ZDHHC7: variants seen among roughly 807,000 people sequenced by gnomAD.
ZDHHC7 encodes the protein zDHHC palmitoyltransferase 7, also known as palmitoyltransferase ZDHHC7.
In ZDHHC7, 12 loss-of-function variants were observed where a neutral mutation model predicts 34.1. The observed-to-expected ratio is 0.35, with a 90% CI of 0.23 to 0.57. The LOEUF is 0.57. Among genes scored for constraint, ZDHHC7 ranks in the 20% least tolerant of loss-of-function variants. ZDHHC7 has a pLI of 0.84. For missense variants in ZDHHC7, 388 were observed against 402.7 expected, an observed-to-expected ratio of 0.96 and a Z score of 0.31; for synonymous variants, 185 against 155.4, an observed-to-expected ratio of 1.19 and a Z score of -1.42.
chr16:84,988,937 T>A, intron 3 of ZDHHC7: 3 of 1,494,246 alleles, frequency 2.0e-6, no homozygotes, highest in Non-Finnish European at 2.7e-6. Context: ...GGCCCTCTCC[T>A]TTGTCGAAGT....
the ZDHHC7 span, among the ~76,000 whole-genome samples, chr16:85,017,328 C>A: frequency 6.6e-6 from 1 of 152,094 alleles, no homozygotes; most frequent in Non-Finnish European, 1.5e-5. Flanking sequence ...TATCCAGACA[C>A]CCACTAGAAT....
At chr16:85,012,909 AAAAAAG>A (rs1471939429), upstream of ZDHHC7, among the ~76,000 whole-genome samples, 1 of 152,122 alleles carries the variant, frequency 6.6e-6, no homozygotes, top group Non-Finnish European at 1.5e-5. Flanking sequence ...CATCTCAATG[AAAAAAG>A]AAAAAGAAAA....
At chr16:84,988,906 G>C (rs1428479055) in intron 3 of ZDHHC7, 3 of 1,545,678 alleles carry the variant, frequency 1.9e-6, no homozygotes, top group Non-Finnish European at 2.6e-6. Context: ...AAATCGCTGA[G>C]CTGGACCTGG....
chr16:84,987,448 GT>G (rs5818520), intron 3 of ZDHHC7, among the ~76,000 whole-genome samples: 21,326 of 145,152 alleles, frequency 0.15, 1,694 homozygotes, highest in Admixed American at 0.26. Flanking sequence ...TTTGGGGTTT[GT>G]TTTTTTTTTT....
chr16:84,992,046 T>G (rs1329778648), intron 2 of ZDHHC7, among the ~76,000 whole-genome samples: 58 of 150,696 alleles, frequency 3.8e-4, no homozygotes, highest in African/African-American at 1.4e-3. Flanking sequence ...CATGGTGGCG[T>G]GCGCCTGTAA....
chr16:84,992,340 GCCTGTA>G (rs58663309), intron 2 of ZDHHC7, among the ~76,000 whole-genome samples: 94,769 of 150,656 alleles, frequency 0.63, 32,001 homozygotes, highest in African/African-American at 0.88. Flanking sequence ...AGTGGCAGGC[GCCTGTA>G]CCTGTAATCC....
chr16:84,977,864 T>C, intron 6 of ZDHHC7, 60 bp downstream of exon 6: 1 of 1,342,116 alleles, frequency 7.5e-7, no homozygotes, highest in East Asian at 2.3e-5. Context: ...TTTAAAGCTT[T>C]CCCCTTTCAT....
At chr16:84,990,200 A>T (rs796295568) in intron 3 of ZDHHC7, 104 bp downstream of exon 3, 1 of 1,328,928 alleles carries the variant, frequency 7.5e-7, no homozygotes, top group African/African-American at 1.5e-5. Context: ...TTCCACACCC[A>T]TGTCAATATG....
chr16:84,998,742 T>C (rs1415422533), intron 1 of ZDHHC7, among the ~76,000 whole-genome samples: 1 of 147,086 alleles, frequency 6.8e-6, no homozygotes, highest in Non-Finnish European at 1.5e-5. Context: ...CTCAATCCCT[T>C]CTGAACCTTT....
At chr16:85,010,558 G>A (rs2072777238) in intron 1 of ZDHHC7, among the ~76,000 whole-genome samples, 1 of 152,228 alleles carries the variant, frequency 6.6e-6, no homozygotes, top group African/African-American at 2.4e-5. Context: ...GATTTGCCCA[G>A]CACTGTATAC....
At chr16:85,024,317 C>T in the ZDHHC7 span, among the ~76,000 whole-genome samples, 1 of 151,152 alleles carries the variant, frequency 6.6e-6, no homozygotes, top group Non-Finnish European at 1.5e-5. Flanking sequence ...CTGCAACCTC[C>T]GCCTCCCAGG....
Position 84,990,384 on chromosome 16 carries a change from A to G in ZDHHC7, c.235T>C (p.Ser79Pro), listed in dbSNP as rs890030935. ...TTAAAGATGACCCCGTTGACCACAG[A>G]GTACCAGAAGTCTTTGGAAGGCAGC... is the stretch of plus-strand genomic sequence containing the variant. ...MLLPSKDFWY[S>P]VVNGVIFNCL... Residue 79 changes from serine to proline, a missense_variant, in exon 3 of 8, where the codon TCT (serine) becomes CCT (proline). By Grantham distance (74) the Ser-to-Pro change is moderately conservative. Coordinates refer to ENST00000313732, the MANE Select transcript of ZDHHC7 (RefSeq NM_017740.3). 41 of 1,614,160 alleles carry G rather than the reference A, an allele frequency of 2.5e-5. No homozygotes were observed. Among genetic ancestry groups the G allele is most frequent in the Non-Finnish European group, 3.5e-5 (41 of 1,180,032 alleles).
At chr16:84,994,776 T>G (rs575400797) in intron 2 of ZDHHC7, among the ~76,000 whole-genome samples, 8 of 152,354 alleles carry the variant, frequency 5.3e-5, no homozygotes, top group African/African-American at 1.9e-4. Context: ...GTGCCATATC[T>G]GTAAGATCCA....
At chr16:85,023,881 G>T in the ZDHHC7 span, among the ~76,000 whole-genome samples, 2 of 152,108 alleles carry the variant, frequency 1.3e-5, no homozygotes, top group African/African-American at 4.8e-5. Context: ...CTCCCAAAGT[G>T]CTGGGATTAT....
intron 5 of ZDHHC7, among the ~76,000 whole-genome samples, chr16:84,978,862 C>CAAA (rs200114312): frequency 1.9e-5 from 2 of 107,462 alleles, no homozygotes; most frequent in Non-Finnish European, 3.9e-5. Flanking sequence ...AACTCCATCT[C>CAAA]AAAAAAAAAA....
chr16:84,987,091 G>A lies in ZDHHC7; in HGVS notation c.315+3213C>T, dbSNP rs902384321. On this transcript the variant is annotated intron_variant, in intron 3 of 7. Transcript: ENST00000313732. Reference sequence around the variant, plus strand: ...ACTCAGAGAGACAGACAAAGCCTGAGGACAGCTGCCAGCCTCTCCCCTCTG... The same window carrying A: ...ACTCAGAGAGACAGACAAAGCCTGAAGACAGCTGCCAGCCTCTCCCCTCTG... 2.0e-5 allele frequency among the ~76,000 whole-genome samples: 3 copies of A among 152,074 alleles called. No homozygotes were observed. The South Asian group carries it at 6.2e-4, about 31-fold the overall frequency.
the ZDHHC7 span, among the ~76,000 whole-genome samples, chr16:85,021,409 C>CAAAA: frequency 1.6e-3 from 138 of 85,460 alleles, no homozygotes; most frequent in Middle Eastern, 9.4e-3. Flanking sequence ...AGACTCCATC[C>CAAAA]AAAAAAAAAA....
intron 1 of ZDHHC7, among the ~76,000 whole-genome samples, chr16:85,003,283 G>T (rs755609351): frequency 6.6e-6 from 1 of 152,180 alleles, no homozygotes; most frequent in African/African-American, 2.4e-5. Context: ...TCCGGAGGCA[G>T]TGGTTCCTAT....
At chr16:84,982,444 A>G (rs370358292) in intron 3 of ZDHHC7, among the ~76,000 whole-genome samples, 1 of 152,130 alleles carries the variant, frequency 6.6e-6, no homozygotes, top group African/African-American at 2.4e-5. Context: ...CTGCATTTTC[A>G]GAGGCAAGGC....
Sources: gnomAD v4.1 joint callset for allele counts (sites outside exome capture counted in the v4.1 genomes callset) on GRCh38, gnomAD v4.1.1 for gene constraint, MANE v1.5 for transcripts, NCBI Gene and HGNC (gene_info 2026-07-23, HGNC 2026-07-21) for gene names.